The following MAD1L1 variants were observed in gnomAD, a reference collection of about 807,000 sequenced individuals.
MAD1L1 encodes mitotic arrest deficient 1 like 1.
A neutral mutation model predicts 96.9 loss-of-function variants in MAD1L1; 95 were observed. The observed-to-expected ratio is 0.98, with a 90% CI of 0.83 to 1.16. MAD1L1 has a LOEUF of 1.16. Ranked by LOEUF, MAD1L1 falls within the 50% of genes most tolerant of loss-of-function variation. MAD1L1 has a pLI of 0.00. For missense variants in MAD1L1, 1,007 were observed against 954.4 expected (o/e 1.06, Z -0.73); for synonymous variants, 473 against 396.6 (o/e 1.19, Z -2.29).
intron 18 of MAD1L1, among the ~76,000 whole-genome samples, chr7:1,844,886 C>T (rs570989123): frequency 6.6e-5 from 10 of 152,358 alleles, no homozygotes; most frequent in South Asian, 2.1e-4. Context: ...AAGCCTGCCT[C>T]GCACAGCTGC....
chr7:2,068,433 G>T (rs1784979705), intron 12 of MAD1L1, among the ~76,000 whole-genome samples: 1 of 152,222 alleles, frequency 6.6e-6, no homozygotes, highest in Non-Finnish European at 1.5e-5. Context: ...TCAAGAACAG[G>T]TAAACATCCA....
chr7:1,827,532 C>T, intron 18 of MAD1L1, among the ~76,000 whole-genome samples: 1 of 131,460 alleles, frequency 7.6e-6, no homozygotes, highest in South Asian at 2.6e-4. Flanking sequence ...CTGAGCCCGT[C>T]CCGGGTGTGG....
At chr7:2,189,342 C>T (rs1007953944) in intron 10 of MAD1L1, among the ~76,000 whole-genome samples, 3 of 152,200 alleles carry the variant, frequency 2.0e-5, no homozygotes, top group Non-Finnish European at 4.4e-5. Context: ...TCTGCCCGCT[C>T]GTGTTCAGAG....
intron 10 of MAD1L1, among the ~76,000 whole-genome samples, chr7:2,151,694 G>A (rs1466675875): frequency 6.6e-6 from 1 of 152,250 alleles, no homozygotes; most frequent in Admixed American, 6.5e-5. Flanking sequence ...ACCATGTTCT[G>A]CGATTCCCAG....
intron 10 of MAD1L1, among the ~76,000 whole-genome samples, chr7:2,151,374 A>C (rs1328439574): frequency 1.3e-5 from 2 of 152,168 alleles, no homozygotes; most frequent in Non-Finnish European, 2.9e-5. Flanking sequence ...CACAGCCAAG[A>C]CCACCCCGCC....
In MAD1L1 at chr7:2,212,828, A is replaced by G. The variant is rs562500599; in HGVS notation, c.986+384T>C. Reference sequence around the variant, plus strand: ...ACAGTGGGTTTTTCTTAATTCTAAAAACTCAGTTCATCTCCACTGGTTACA... The same window carrying G: ...ACAGTGGGTTTTTCTTAATTCTAAAGACTCAGTTCATCTCCACTGGTTACA... On this transcript the variant is annotated intron_variant, in intron 10 of 18. Transcript: ENST00000265854. Among the ~76,000 whole-genome samples the G allele has an allele frequency of 5.8e-4, 88 of 152,300 alleles. No individual in the cohort carries two copies. In the South Asian group the frequency reaches 0.018, roughly 31 times the overall value.
intron 7 of MAD1L1, among the ~76,000 whole-genome samples, 162 bp from the exon 8 acceptor site, chr7:2,216,449 G>A (rs1793286870): frequency 1.3e-5 from 2 of 152,228 alleles, no homozygotes; most frequent in South Asian, 2.1e-4. Context: ...GGTTGTCAAG[G>A]GCTCAGAAGG....
chr7:1,983,308 C>G (rs1322015988), intron 14 of MAD1L1, among the ~76,000 whole-genome samples: 1 of 152,202 alleles, frequency 6.6e-6, no homozygotes, highest in Non-Finnish European at 1.5e-5. Flanking sequence ...CTTTGAAGAT[C>G]TGGTAGAATT....
chr7:1,873,268 C>T (rs916906868), intron 18 of MAD1L1, among the ~76,000 whole-genome samples: 2 of 152,186 alleles, frequency 1.3e-5, no homozygotes, highest in South Asian at 2.1e-4. Flanking sequence ...CTGGACCTCA[C>T]GGGCTGGGGC....
Position 2,119,254 on chromosome 7 carries a change from ACCAAAGGAGTGCCCCG to A in MAD1L1, c.1073+29882_1073+29897del, listed in dbSNP as rs1400043417. Among the ~76,000 whole-genome samples the A allele has an allele frequency of 6.6e-6, 1 of 151,894 alleles. No individual in the cohort carries two copies. Among genetic ancestry groups the A allele is most frequent in the Admixed American group, 6.6e-5 (1 of 15,258 alleles). On this transcript the variant is annotated intron_variant, in intron 11 of 18. Transcript: ENST00000265854. This position sits in a 1 kb window ranked among gnomAD's most constrained non-coding sequence, Gnocchi z 4.6. ...CTCCATTATCCCCCCAAAACAAGTG[ACCAAAGGAGTGCCCCG>A]CCCCTGGTTCACAGACATGAGAAGC...
chr7:1,827,294 AG>A (rs1311095460), intron 18 of MAD1L1, among the ~76,000 whole-genome samples: 1 of 152,212 alleles, frequency 6.6e-6, no homozygotes, highest in African/African-American at 2.4e-5. Context: ...GGTTAAGGGA[AG>A]AAAGGGGACG....
chr7:1,994,345 C>T (rs1407792594), intron 14 of MAD1L1, among the ~76,000 whole-genome samples: 1 of 152,186 alleles, frequency 6.6e-6, no homozygotes, highest in Non-Finnish European at 1.5e-5. Context: ...GCTCAATTCC[C>T]AGGGGGCCTG....
At chr7:1,998,058 A>G (rs1419914842) in intron 14 of MAD1L1, among the ~76,000 whole-genome samples, 1 of 152,204 alleles carries the variant, frequency 6.6e-6, no homozygotes, top group Non-Finnish European at 1.5e-5. Flanking sequence ...TGAATAAGGA[A>G]CAGAAATTAT....
intron 17 of MAD1L1, among the ~76,000 whole-genome samples, chr7:1,927,184 G>A (rs1194888181): frequency 1.3e-5 from 2 of 152,238 alleles, no homozygotes; most frequent in East Asian, 1.9e-4. Flanking sequence ...ACAAAAAAGG[G>A]GTGGGTGGGT....
intron 12 of MAD1L1, among the ~76,000 whole-genome samples, chr7:2,068,913 G>T (rs962118569): frequency 1.3e-5 from 2 of 152,222 alleles, no homozygotes; most frequent in Admixed American, 6.5e-5. Flanking sequence ...CGCAGTGACA[G>T]GGAACCCTCT....
intron 11 of MAD1L1, among the ~76,000 whole-genome samples, chr7:2,073,423 G>A (rs565669501): frequency 7.9e-5 from 12 of 152,246 alleles, no homozygotes; most frequent in East Asian, 7.7e-4. Context: ...CTCTACGATC[G>A]TCAGTCACCT....
chr7:2,133,768 G>A (rs1013941472), intron 11 of MAD1L1, among the ~76,000 whole-genome samples: 4 of 152,164 alleles, frequency 2.6e-5, no homozygotes, highest in Non-Finnish European at 4.4e-5. Flanking sequence ...TGGCTGTTCC[G>A]CTGTTCCAGC....
At chr7:2,166,060 C>A (rs1479575255) in intron 10 of MAD1L1, among the ~76,000 whole-genome samples, 1 of 152,232 alleles carries the variant, frequency 6.6e-6, no homozygotes, top group East Asian at 1.9e-4. Context: ...ACCACACGTT[C>A]TCCCATGTGG....
chr7:2,022,295 G>A (rs1782823388), intron 12 of MAD1L1, among the ~76,000 whole-genome samples: 1 of 152,234 alleles, frequency 6.6e-6, no homozygotes, highest in Non-Finnish European at 1.5e-5. Context: ...CTGGTCAAAG[G>A]CCATCTGACC....
Sources: allele counts gnomAD v4.1 joint callset (sites outside exome capture counted in the v4.1 genomes callset), GRCh38; gene constraint gnomAD v4.1.1; non-coding constraint Gnocchi (gnomAD v3.1); transcripts MANE v1.5; gene names NCBI Gene and HGNC (gene_info 2026-07-23, HGNC 2026-07-21).